TTC1: variants seen among roughly 807,000 people sequenced by gnomAD.
The protein encoded by TTC1 is tetratricopeptide repeat protein 1.
TTC1 carries 31 observed loss-of-function variants against 37.6 expected under a neutral mutation model. That is an observed-to-expected ratio of 0.82 (90% CI 0.62 to 1.11). The LOEUF is 1.11. Ranked by LOEUF, TTC1 falls within the 50% of genes most tolerant of loss-of-function variation. The pLI is 0.00. For missense variants in TTC1, 351 were observed against 339.0 expected (o/e 1.04, Z -0.28); for synonymous variants, 127 against 122.4 (o/e 1.04, Z -0.25).
intron 7 of TTC1, among the ~76,000 whole-genome samples, chr5:160,058,526 T>C (rs925793567): frequency 6.6e-6 from 1 of 151,182 alleles, no homozygotes; most frequent in East Asian, 2.0e-4. Context: ...TTCTCCTGCC[T>C]CAGCCTCCTG....
At chr5:160,044,297 A>G (rs566083327) in intron 5 of TTC1, among the ~76,000 whole-genome samples, 1 of 152,338 alleles carries the variant, frequency 6.6e-6, no homozygotes, top group Non-Finnish European at 1.5e-5. Context: ...CTCACAGGAA[A>G]TAATTCAGGG....
chr5:160,037,829 C>T (rs1177703538), intron 4 of TTC1, among the ~76,000 whole-genome samples: 2 of 146,692 alleles, frequency 1.4e-5, no homozygotes, highest in Admixed American at 6.8e-5. Context: ...TGGCTACTTA[C>T]ATCCAAAGTA....
Position 160,049,559 on chromosome 5 carries a change from C to G in TTC1, c.587C>G (p.Ala196Gly). The G allele has an allele frequency of 6.2e-7, 1 of 1,608,672 alleles. No homozygotes were observed. The highest frequency in any genetic ancestry group is 8.5e-7 in the Non-Finnish European group (1 of 1,178,016). The change falls in exon 6 of 8, where the codon GCA (alanine) becomes GGA (glycine). Residue 196 changes from alanine to glycine, a missense_variant. Coordinates refer to ENST00000231238, the MANE Select transcript of TTC1 (RefSeq NM_003314.3). Reference protein sequence around the residue: ...PSYIRAILRRAELYEKTDKLD... With the variant: ...PSYIRAILRRGELYEKTDKLD... ...TATATCAGGGCAATATTGAGGAGAG[C>G]AGAGTTGTATGAGAAGACGGACAAG...
At chr5:160,051,026 AT>A (rs1368153793) in intron 6 of TTC1, 102 bp from the exon 7 acceptor site, 2 of 875,326 alleles carry the variant, frequency 2.3e-6, no homozygotes, top group Non-Finnish European at 1.7e-6. Context: ...ACTTGATCTT[AT>A]TTCCACATTA....
At chr5:160,015,161 T>C (rs1468602237) in intron 2 of TTC1, among the ~76,000 whole-genome samples, 1 of 152,132 alleles carries the variant, frequency 6.6e-6, no homozygotes, top group African/African-American at 2.4e-5. Context: ...CCTACCAAAA[T>C]CCAGGAAAGG....
intron 2 of TTC1, chr5:160,023,605 G>T (rs1166511115): frequency 1.4e-6 from 1 of 694,762 alleles, no homozygotes; most frequent in East Asian, 2.7e-5. Flanking sequence ...AGGTAGTTTC[G>T]TGTTTTATCA....
intron 2 of TTC1, among the ~76,000 whole-genome samples, chr5:160,017,958 A>G (rs1027144676): frequency 2.0e-5 from 3 of 152,192 alleles, no homozygotes; most frequent in African/African-American, 4.8e-5. Context: ...TTAGGACAAA[A>G]TGTTAACATG....
intron 7 of TTC1, among the ~76,000 whole-genome samples, chr5:160,061,485 G>A (rs1038316747): frequency 6.6e-6 from 1 of 152,188 alleles, no homozygotes; most frequent in Non-Finnish European, 1.5e-5. Context: ...ACCACACATA[G>A]CAAGGTGCCA....
intron 7 of TTC1, among the ~76,000 whole-genome samples, chr5:160,054,306 T>C (rs574298857): frequency 6.6e-6 from 1 of 152,332 alleles, no homozygotes; most frequent in Admixed American, 6.5e-5. Flanking sequence ...ATTTCACAGT[T>C]TTCTTAAATA....
At chr5:160,016,591 A>G (rs1561624917) in intron 2 of TTC1, among the ~76,000 whole-genome samples, 1 of 152,212 alleles carries the variant, frequency 6.6e-6, no homozygotes, top group Non-Finnish European at 1.5e-5. Flanking sequence ...AGGTATGATT[A>G]TTAGGGAATT....
At chr5:160,027,988 T>C (rs1204859798) in intron 2 of TTC1, among the ~76,000 whole-genome samples, 2 of 152,146 alleles carry the variant, frequency 1.3e-5, no homozygotes, top group Non-Finnish European at 1.5e-5. Context: ...GATTAACATT[T>C]TTCATCAAAA....
At chr5:160,042,280 G>GAAAT (rs1757112912) in intron 4 of TTC1, among the ~76,000 whole-genome samples, 1 of 152,232 alleles carries the variant, frequency 6.6e-6, no homozygotes, top group African/African-American at 2.4e-5. Flanking sequence ...TCACTGCTGT[G>GAAAT]AAATATTCTG....
intron 6 of TTC1, among the ~76,000 whole-genome samples, chr5:160,049,939 T>C (rs1279524476): frequency 6.6e-6 from 1 of 151,654 alleles, no homozygotes; most frequent in Non-Finnish European, 1.5e-5. Context: ...ATTAGCCGGG[T>C]GTGGTCGTAC....
rs142846640 is a variant in TTC1 at position 160,043,408 on chromosome 5, G to A, written c.541+239G>A. The stretch of plus-strand genomic sequence containing the variant: ...AGAAAAATTCAGTGCTCTAGCCTGG[G>A]CAACATGACAAAACCCTGTCTGTAC... On this transcript the variant is annotated intron_variant, in intron 5 of 7. Transcript: ENST00000231238. 2.3e-4 allele frequency among the ~76,000 whole-genome samples: 35 copies of A among 152,192 alleles called. 1 individual carries two copies. The highest frequency in any genetic ancestry group is 8.3e-4 in the South Asian group (4 of 4,818).
intron 2 of TTC1, among the ~76,000 whole-genome samples, chr5:160,019,520 A>G (rs992772695): frequency 4.6e-5 from 7 of 151,260 alleles, no homozygotes; most frequent in African/African-American, 1.5e-4. Flanking sequence ...AGTGGCCTGC[A>G]TAGTCCTGTT....
chr5:160,011,113 G>A (rs1756495365), intron 2 of TTC1, among the ~76,000 whole-genome samples: 1 of 152,186 alleles, frequency 6.6e-6, no homozygotes, highest in Non-Finnish European at 1.5e-5. Context: ...TCAGGAGTCT[G>A]TAATGTAACA....
chr5:160,061,718 G>T (rs1336328225), intron 7 of TTC1: 4 of 152,070 alleles, frequency 2.6e-5, no homozygotes, highest in East Asian at 1.9e-4. Context: ...TGTTATAAAG[G>T]CAGAGATACT....
intron 2 of TTC1, among the ~76,000 whole-genome samples, chr5:160,019,067 T>A (rs1304631428): frequency 6.6e-6 from 1 of 152,212 alleles, no homozygotes; most frequent in Non-Finnish European, 1.5e-5. Context: ...CAAACAAACA[T>A]TTTTTATTTG....
intron 2 of TTC1, among the ~76,000 whole-genome samples, chr5:160,019,710 G>C (rs1013820450): frequency 1.3e-5 from 2 of 148,590 alleles, no homozygotes; most frequent in African/African-American, 2.5e-5. Flanking sequence ...TCTGCCTCCC[G>C]AGTAGCTGGG....
Sources: allele counts gnomAD v4.1 joint callset (sites outside exome capture counted in the v4.1 genomes callset), GRCh38; gene constraint gnomAD v4.1.1; transcripts MANE v1.5; gene names NCBI Gene and HGNC (gene_info 2026-07-23, HGNC 2026-07-21).